Variants in TJP1 observed in about 807,000 individuals in gnomAD.
TJP1 encodes tight junction protein 1.
Under a neutral mutation model 194.2 loss-of-function variants are expected in TJP1, and 43 were observed. The ratio of observed to expected loss-of-function variants is 0.22; its 90% CI spans 0.17 to 0.29. The LOEUF (loss-of-function observed/expected upper bound fraction) is 0.29, where lower values mean the gene tolerates loss of function less well. Among genes scored for constraint, TJP1 ranks in the 10% least tolerant of loss-of-function variants. The pLI is 1.00. For missense variants in TJP1, 1,971 were observed against 2,185.7 expected, an observed-to-expected ratio of 0.90 and a Z score of 1.96; for synonymous variants, 801 against 779.0, an observed-to-expected ratio of 1.03 and a Z score of -0.47.
intron 2 of TJP1, among the ~76,000 whole-genome samples, chr15:29,848,432 T>C (rs1042619542): frequency 1.3e-5 from 2 of 152,256 alleles, no homozygotes; most frequent in South Asian, 2.1e-4. Flanking sequence ...GTATCAGTTA[T>C]ATTAAGCATA....
At chr15:29,912,095 G>T (rs2054032996) in intron 2 of TJP1, among the ~76,000 whole-genome samples, 1 of 152,166 alleles carries the variant, frequency 6.6e-6, no homozygotes. Context: ...GCCTGGAGAG[G>T]CCCGCTTCCT....
At chr15:29,831,456 G>A (rs1228317535) in intron 2 of TJP1, among the ~76,000 whole-genome samples, 3 of 152,178 alleles carry the variant, frequency 2.0e-5, no homozygotes, top group Non-Finnish European at 2.9e-5. Context: ...CCAGTCTACA[G>A]GGCTAATGTG....
intron 1 of TJP1, among the ~76,000 whole-genome samples, chr15:29,816,175 G>T (rs921621931): frequency 6.6e-6 from 1 of 152,018 alleles, no homozygotes; most frequent in Non-Finnish European, 1.5e-5. Context: ...TTTTAGGCAT[G>T]TGCTACCACA....
intron 1 of TJP1, among the ~76,000 whole-genome samples, chr15:29,803,430 C>A (rs1349835579): frequency 6.6e-6 from 1 of 152,076 alleles, no homozygotes; most frequent in Non-Finnish European, 1.5e-5. Flanking sequence ...CAACTATATA[C>A]TAATGTAAGT....
intron 2 of TJP1, among the ~76,000 whole-genome samples, chr15:29,905,111 C>A (rs2053763732): frequency 6.6e-6 from 1 of 152,164 alleles, no homozygotes; most frequent in African/African-American, 2.4e-5. Flanking sequence ...CACAGCAGTC[C>A]TAGCAAACTG....
At chr15:29,738,222 G>A (rs995596514) in intron 10 of TJP1, among the ~76,000 whole-genome samples, 4 of 152,004 alleles carry the variant, frequency 2.6e-5, no homozygotes, top group Non-Finnish European at 1.5e-5. Context: ...CCCTTCTAGG[G>A]ATTCATAAGT....
intron 2 of TJP1, among the ~76,000 whole-genome samples, chr15:29,942,960 A>G (rs2055134079): frequency 6.6e-6 from 1 of 152,178 alleles, no homozygotes; most frequent in Non-Finnish European, 1.5e-5. Flanking sequence ...TATGGACAAA[A>G]CAATATGCTG....
chr15:29,699,382 T>C (rs1216057288), downstream of TJP1: 1 of 152,190 alleles, frequency 6.6e-6, no homozygotes, highest in Non-Finnish European at 1.5e-5. Context: ...TATGATTCCA[T>C]TTATATGACA....
At chr15:29,849,020 C>A (rs1217636925) in intron 2 of TJP1, among the ~76,000 whole-genome samples, 4 of 151,844 alleles carry the variant, frequency 2.6e-5, no homozygotes, top group Non-Finnish European at 5.9e-5. Context: ...GTAAAGACTT[C>A]TAAATGATAA....
chr15:29,838,062 C>T (rs1673060004), intron 2 of TJP1, among the ~76,000 whole-genome samples: 1 of 152,212 alleles, frequency 6.6e-6, no homozygotes, highest in Non-Finnish European at 1.5e-5. Context: ...ATAAATTCAT[C>T]ACATAGGCTA....
chr15:29,852,568 C>A (rs552119302), intron 2 of TJP1, among the ~76,000 whole-genome samples: 1 of 152,174 alleles, frequency 6.6e-6, no homozygotes, highest in East Asian at 1.9e-4. Context: ...CCAAAACACG[C>A]AATTACCATA....
At chr15:29,949,242 CCTT>C (rs1204608025) in intron 2 of TJP1, among the ~76,000 whole-genome samples, 45 of 70,808 alleles carry the variant, frequency 6.4e-4, no homozygotes, top group East Asian at 1.4e-3. Context: ...ACTACCTCCA[CCTT>C]CACCACCACC....
chr15:29,904,243 T>C (rs2053731843), intron 2 of TJP1, among the ~76,000 whole-genome samples: 1 of 152,254 alleles, frequency 6.6e-6, no homozygotes, highest in East Asian at 1.9e-4. Flanking sequence ...TGAAAAGGAC[T>C]GCTCCAACTG....
chr15:29,940,976 C>A (rs2152283630), intron 2 of TJP1, among the ~76,000 whole-genome samples: 1 of 152,206 alleles, frequency 6.6e-6, no homozygotes, highest in East Asian at 1.9e-4. Flanking sequence ...AGGAAGAGAG[C>A]TGTAACTGTC....
intron 2 of TJP1, among the ~76,000 whole-genome samples, chr15:29,848,587 C>T (rs1208699705): frequency 1.3e-5 from 2 of 152,152 alleles, no homozygotes; most frequent in African/African-American, 4.8e-5. Context: ...ATTGGCTGGG[C>T]ATGGTGGCTC....
At chr15:29,787,359 G>C (rs2047763571) in intron 2 of TJP1, among the ~76,000 whole-genome samples, 1 of 152,122 alleles carries the variant, frequency 6.6e-6, no homozygotes, top group Non-Finnish European at 1.5e-5. Flanking sequence ...AGAAAACACA[G>C]GAATAAATCT....
intron 2 of TJP1, among the ~76,000 whole-genome samples, chr15:29,879,740 C>T (rs569687801): frequency 6.6e-6 from 1 of 151,956 alleles, no homozygotes; most frequent in Non-Finnish European, 1.5e-5. Context: ...GAGACAGGGT[C>T]TCACTCTGTC....
chr15:29,748,558 CTAAT>C (rs1176333872), intron 8 of TJP1, among the ~76,000 whole-genome samples: 31 of 138,076 alleles, frequency 2.2e-4, no homozygotes, highest in Non-Finnish European at 4.1e-4. Context: ...CCAAACCTTC[CTAAT>C]TCTTTTTTTT....
chr15:29,703,425 G>A lies in TJP1; in HGVS notation c.5212+737C>T, dbSNP rs145238975. ...CGCATTCCAGCCTGGGCGACAGAGC[G>A]AGACTCCACCTCAAAAAACCAAATC... On this transcript the variant is annotated intron_variant, in intron 27 of 27. Transcript: ENST00000614355. Among the ~76,000 whole-genome samples, 64 of 151,832 alleles carry A rather than the reference G, an allele frequency of 4.2e-4. 1 individual carries two copies. The East Asian group carries it at 0.012, about 28-fold the overall frequency.
Sources: gnomAD v4.1 joint callset for allele counts (sites outside exome capture counted in the v4.1 genomes callset) on GRCh38, gnomAD v4.1.1 for gene constraint, MANE v1.5 for transcripts, NCBI Gene and HGNC (gene_info 2026-07-23, HGNC 2026-07-21) for gene names.